The following CARMIL1 variants were observed in gnomAD, a reference collection of about 807,000 sequenced individuals.
The protein encoded by CARMIL1 is F-actin-uncapping protein LRRC16A.
A neutral mutation model predicts 177.1 loss-of-function variants in CARMIL1; 90 were observed. That is an observed-to-expected ratio of 0.51 (90% confidence interval 0.43 to 0.61). CARMIL1 has a LOEUF of 0.61. CARMIL1 is among the 20% of genes least tolerant of loss of function. The pLI, the probability that CARMIL1 is intolerant of heterozygous loss-of-function variation, is 0.00. For missense variants in CARMIL1, 1,380 were observed against 1,667.0 expected (o/e 0.83, Z 3.00); for synonymous variants, 577 against 606.2 (o/e 0.95, Z 0.71).
intron 17 of CARMIL1, among the ~76,000 whole-genome samples, chr6:25,503,951 T>A (rs145570950): frequency 2.3e-3 from 346 of 152,188 alleles, no homozygotes; most frequent in African/African-American, 7.6e-3. Context: ...TGTCCTGCAG[T>A]TTCTGATGTG....
At chr6:25,445,711 T>C (rs948950156) in intron 5 of CARMIL1, among the ~76,000 whole-genome samples, 3 of 151,974 alleles carry the variant, frequency 2.0e-5, no homozygotes, top group African/African-American at 7.3e-5. Context: ...ATTTTTTTTT[T>C]GTATTTTTAG....
intron 23 of CARMIL1, among the ~76,000 whole-genome samples, chr6:25,527,006 A>G (rs1807209690): frequency 6.6e-6 from 1 of 152,222 alleles, no homozygotes; most frequent in Non-Finnish European, 1.5e-5. Flanking sequence ...AAAAACACAC[A>G]CACAAGATTC....
chr6:25,420,930 T>C (rs1216432250), intron 3 of CARMIL1, among the ~76,000 whole-genome samples: 3 of 152,226 alleles, frequency 2.0e-5, no homozygotes, highest in Non-Finnish European at 4.4e-5. Context: ...GGAGTGTTGT[T>C]TTAGTAGATA....
chr6:25,544,451 A>G (rs1219814864), intron 26 of CARMIL1, among the ~76,000 whole-genome samples: 1 of 152,090 alleles, frequency 6.6e-6, no homozygotes, highest in Non-Finnish European at 1.5e-5. Flanking sequence ...TCAATAGTTA[A>G]TGGAATCCAA....
intron 35 of CARMIL1, among the ~76,000 whole-genome samples, chr6:25,609,668 TG>T: frequency 6.6e-6 from 1 of 152,316 alleles, no homozygotes; most frequent in Non-Finnish European, 1.5e-5. Context: ...ACTATTGTAC[TG>T]GGTTTGACAA....
chr6:25,573,690 C>T (rs1384401759), intron 29 of CARMIL1, among the ~76,000 whole-genome samples: 1 of 151,242 alleles, frequency 6.6e-6, no homozygotes, highest in Non-Finnish European at 1.5e-5. Flanking sequence ...GGCTTTTTTC[C>T]CCTTCACCCA....
chr6:25,487,610 A>G (rs1267967481), intron 12 of CARMIL1, among the ~76,000 whole-genome samples: 1 of 152,232 alleles, frequency 6.6e-6, no homozygotes, highest in Non-Finnish European at 1.5e-5. Context: ...AAGTAAAATC[A>G]TCAGTGCTGT....
intron 23 of CARMIL1, among the ~76,000 whole-genome samples, chr6:25,528,044 G>C (rs2151096470): frequency 6.6e-6 from 1 of 152,210 alleles, no homozygotes; most frequent in African/African-American, 2.4e-5. Flanking sequence ...ATTCTTAATA[G>C]TTAACCTTGC....
At chr6:25,607,779 C>A (rs1187707794) in intron 35 of CARMIL1, among the ~76,000 whole-genome samples, 1 of 152,132 alleles carries the variant, frequency 6.6e-6, no homozygotes, top group Non-Finnish European at 1.5e-5. Flanking sequence ...CTTGGACAGT[C>A]CCTGGTCTTC....
intron 10 of CARMIL1, among the ~76,000 whole-genome samples, chr6:25,471,583 G>A (rs2150940938): frequency 6.6e-6 from 1 of 151,914 alleles, no homozygotes; most frequent in South Asian, 2.1e-4. Flanking sequence ...CTTAAAATGG[G>A]GATAATAATA....
Position 25,450,671 on chromosome 6 carries a change from A to C in CARMIL1, c.574A>C (p.Arg192=), listed in dbSNP as rs1181348899. 3.1e-6 allele frequency: 5 copies of C among 1,606,754 alleles called. No homozygotes were observed. Among genetic ancestry groups the C allele is most frequent in the Non-Finnish European group, 4.3e-6 (5 of 1,175,434 alleles). ...TACAATTTATCTTACCCAAGACACC[A>C]GGGAATTGAATTTACAAGATTTTAG... is the stretch of plus-strand genomic sequence containing the variant. ...VDTIYLTQDT[R]ELNLQDFSHL... is the part of the protein sequence containing the mutation. Residue 192 remains arginine (R), a synonymous_variant, in exon 8 of 37, where the codon AGG becomes CGG. Coordinates refer to ENST00000329474, the MANE Select transcript of CARMIL1 (RefSeq NM_017640.6).
At chr6:25,507,723 G>A (rs1250447799) in intron 17 of CARMIL1, among the ~76,000 whole-genome samples, 11 of 151,442 alleles carry the variant, frequency 7.3e-5, no homozygotes, top group Admixed American at 7.3e-4. Context: ...TTCTCAACAA[G>A]TAAATCACTA....
intron 31 of CARMIL1, among the ~76,000 whole-genome samples, chr6:25,590,436 T>C (rs901328369): frequency 6.6e-6 from 1 of 152,182 alleles, no homozygotes; most frequent in Non-Finnish European, 1.5e-5. Context: ...CTTAACATGT[T>C]TATTTTTCTT....
In CARMIL1 at chr6:25,303,107, G is replaced by A. The variant is rs191729333; in HGVS notation, c.138+18198G>A. ...AAATTGCATGTACTTTCAACTTTTG[G>A]CTGGTTATAGGCATCTCCTTTTTTT... On this transcript the variant is annotated intron_variant, in intron 2 of 36. Coordinates refer to ENST00000329474, the MANE Select transcript of CARMIL1 (RefSeq NM_017640.6). Among the ~76,000 whole-genome samples, 279 of 150,234 alleles carry A rather than the reference G, an allele frequency of 1.9e-3. 1 individual carries two copies. The highest frequency in any genetic ancestry group is 6.6e-3 in the African/African-American group (267 of 40,694).
chr6:25,581,439 G>T lies in CARMIL1; in HGVS notation c.3006G>T (p.Ala1002=), dbSNP rs368235973. 6.2e-7 allele frequency: 1 copy of T among 1,607,356 alleles called. No homozygotes were observed. The highest frequency in any genetic ancestry group is 1.1e-5 in the South Asian group (1 of 90,006). The change falls in exon 31 of 37, where the codon GCG becomes GCT. Residue 1002 remains alanine (A), a splice_region_variant and synonymous_variant. Transcript: ENST00000329474. The part of the protein sequence containing the change: ...RNKKQQPTQA[A]VCAANIVSQD... ...AGAAGCAGCAACCCACCCAAGCAGC[G>T]GTAGGTGGACTGCAGGAGAGGCCCC...
chr6:25,391,154 G>T (rs72830745), intron 2 of CARMIL1, among the ~76,000 whole-genome samples: 22,071 of 152,256 alleles, frequency 0.14, 1,838 homozygotes, highest in East Asian at 0.32. Context: ...TACTCTACAA[G>T]AAATAGTATT....
intron 2 of CARMIL1, among the ~76,000 whole-genome samples, chr6:25,332,878 TC>T (rs753187714): frequency 6.6e-6 from 1 of 152,198 alleles, no homozygotes; most frequent in East Asian, 1.9e-4. Context: ...ACCTGATACT[TC>T]CGTGCCTGCT....
chr6:25,563,545 G>C, intron 29 of CARMIL1: 1 of 985,426 alleles, frequency 1.0e-6, no homozygotes, highest in Non-Finnish European at 1.2e-6. Context: ...ACAGAGCCCA[G>C]AGGAGGAGGC....
intron 29 of CARMIL1, among the ~76,000 whole-genome samples, chr6:25,557,430 G>A (rs1219507898): frequency 6.6e-6 from 1 of 152,008 alleles, no homozygotes; most frequent in Non-Finnish European, 1.5e-5. Flanking sequence ...GAGTATTTAG[G>A]TTGTTAATAC....
Sources: gnomAD v4.1 joint callset for allele counts (sites outside exome capture counted in the v4.1 genomes callset) on GRCh38, gnomAD v4.1.1 for gene constraint, MANE v1.5 for transcripts, NCBI Gene and HGNC (gene_info 2026-07-23, HGNC 2026-07-21) for gene names.